The following CROCC2 variants were observed in gnomAD, a reference collection of about 807,000 sequenced individuals.
The protein encoded by CROCC2 is ciliary rootlet coiled-coil, rootletin family member 2.
Under a neutral mutation model 177.6 loss-of-function variants are expected in CROCC2, and 163 were observed. The observed-to-expected ratio is 0.92, with a 90% CI of 0.81 to 1.05. The LOEUF is 1.05. CROCC2 is among the 50% of genes least tolerant of loss of function. The pLI is 0.00. For synonymous variants in CROCC2, 904 were observed against 787.3 expected, an observed-to-expected ratio of 1.15 and a Z score of -2.48; for missense variants, 1,929 against 1,797.8, an observed-to-expected ratio of 1.07 and a Z score of -1.32.
At chr2:240,988,348 A>G (rs1228305171) in intron 28 of CROCC2, among the ~76,000 whole-genome samples, 1 of 152,242 alleles carries the variant, frequency 6.6e-6, no homozygotes, top group African/African-American at 2.4e-5. Context: ...TGCCAACAGC[A>G]GAAGGCAGGT....
Position 240,964,576 on chromosome 2 carries a change from A to AGCAGGCAG in CROCC2, c.3418_3425dup (p.Gly1143ArgfsTer17). 1 of 1,549,686 alleles carries AGCAGGCAG rather than the reference A, an allele frequency of 6.5e-7. No individual in the cohort carries two copies. Among genetic ancestry groups the AGCAGGCAG allele is most frequent in the Non-Finnish European group, 8.7e-7 (1 of 1,146,848 alleles). On this transcript the variant is annotated frameshift_variant, in exon 22 of 32. Transcript: ENST00000690015. LOFTEE classifies it high-confidence loss of function. The stretch of plus-strand genomic sequence containing the variant: ...CTGCGGGCCCACCTGTGGGAGCTGG[A>AGCAGGCAG]GCAGGCAGGGGGGGACGCCCGTCAG...
intron 22 of CROCC2, 48 bp downstream of exon 22, chr2:240,964,673 T>A (rs939032113): frequency 2.0e-5 from 30 of 1,530,110 alleles, no homozygotes; most frequent in Non-Finnish European, 2.6e-5. Flanking sequence ...CCCTCCCGCC[T>A]GGTGGGTCCC....
intron 7 of CROCC2, 120 bp from the exon 8 acceptor site, chr2:240,932,198 C>T (rs1163076354): frequency 3.2e-6 from 2 of 619,384 alleles, no homozygotes; most frequent in Non-Finnish European, 6.0e-6. Context: ...CAGACGGAGG[C>T]ATCACCCAGC....
In CROCC2 at chr2:240,946,099, C is replaced by T. The variant is rs1209916498; in HGVS notation, c.2209C>T (p.Gln737Ter). The change falls in exon 15 of 32, where the codon CAG (glutamine) becomes TAG (stop). Residue 737 changes from glutamine (Q) to a stop codon, truncating the protein, a stop_gained. Transcript: ENST00000690015. LOFTEE classifies it high-confidence loss of function. ...QKQALEEQLA[Q>*]SLQDQEAQMG... ...ACAGGCCCTGGAGGAGCAGCTGGCT[C>T]AGAGCCTGCAGGACCAGGAGGCCCA... The T allele has an allele frequency of 6.5e-7, 1 of 1,533,308 alleles. No individual in the cohort carries two copies. Among genetic ancestry groups the T allele is most frequent in the Non-Finnish European group, 8.8e-7 (1 of 1,133,244 alleles). 95.0% of individuals were successfully genotyped at this position (1,533,308 alleles called of 1,614,324 possible).
intron 27 of CROCC2, among the ~76,000 whole-genome samples, chr2:240,968,471 G>A (rs375969663): frequency 3.9e-5 from 6 of 152,188 alleles, no homozygotes; most frequent in African/African-American, 7.2e-5. Flanking sequence ...TGGGGTCATC[G>A]GGACTGGGGT....
chr2:240,929,690 C>T (rs1278703732), intron 5 of CROCC2: 1 of 456,376 alleles, frequency 2.2e-6, no homozygotes, highest in Admixed American at 2.3e-5. Flanking sequence ...TTCAGGAGCC[C>T]TCCAGAGTAA....
At chr2:240,907,513 A>C (rs967587089) in intron 1 of CROCC2, among the ~76,000 whole-genome samples, 2 of 152,166 alleles carry the variant, frequency 1.3e-5, no homozygotes, top group African/African-American at 2.4e-5. Context: ...AAACTATGCC[A>C]CGGCAGGCTG....
intron 18 of CROCC2, chr2:240,955,295 G>C (rs1294939752): frequency 1.3e-5 from 2 of 152,816 alleles, no homozygotes; most frequent in Non-Finnish European, 2.9e-5. Flanking sequence ...GTGTCTCTGG[G>C]CTGCCCTCCC....
chr2:240,922,411 G>T, intron 3 of CROCC2, 128 bp from the exon 4 acceptor site: 1 of 574,008 alleles, frequency 1.7e-6, no homozygotes, highest in Non-Finnish European at 3.1e-6. Context: ...CCCAACCCCA[G>T]CCCCTGCTGT....
chr2:240,967,571 CGGT>C (rs2059691689), intron 26 of CROCC2, 106 bp downstream of exon 26: 1 of 1,500,768 alleles, frequency 6.7e-7, no homozygotes, highest in African/African-American at 1.4e-5. Flanking sequence ...TGGGGCAGCT[CGGT>C]GGGAAGGGAG....
chr2:240,932,170 C>T (rs1226278005), intron 7 of CROCC2, 148 bp from the exon 8 acceptor site: 3 of 607,888 alleles, frequency 4.9e-6, no homozygotes, highest in East Asian at 5.6e-5. Context: ...CATGCTCAGA[C>T]CAGGGACAGA....
At chr2:240,969,400 G>C (rs2059706654) in intron 27 of CROCC2, among the ~76,000 whole-genome samples, 1 of 152,232 alleles carries the variant, frequency 6.6e-6, no homozygotes, top group Non-Finnish European at 1.5e-5. Flanking sequence ...AGAGGGGAGG[G>C]GGCAGAGAGC....
chr2:240,970,570 C>A (rs1400265620), intron 27 of CROCC2, among the ~76,000 whole-genome samples: 1 of 152,220 alleles, frequency 6.6e-6, no homozygotes, highest in Non-Finnish European at 1.5e-5. Context: ...CAGCGCCCTG[C>A]CCCCTCCAGG....
chr2:240,949,633 G>A lies in CROCC2; in HGVS notation c.2583G>A (p.Glu861=). The A allele has an allele frequency of 3.9e-6, 6 of 1,550,332 alleles. No individual in the cohort carries two copies. The highest frequency in any genetic ancestry group is 5.2e-6 in the Non-Finnish European group (6 of 1,146,936). ...LQRQVAQQER[E]AQRALESQAL... ...GACAGGTGGCACAGCAGGAGCGGGAGGCACAGCGGGCCCTGGAGAGCCAGG... is the reference window on the plus strand; with the variant it reads ...GACAGGTGGCACAGCAGGAGCGGGAAGCACAGCGGGCCCTGGAGAGCCAGG... Residue 861 remains glutamate, a synonymous_variant, in exon 17 of 32, where the codon GAG becomes GAA. Transcript: ENST00000690015. This position sits in a 1 kb window ranked among gnomAD's most constrained non-coding sequence, Gnocchi z 4.5.
Position 240,918,870 on chromosome 2 carries a change from C to A in CROCC2, c.223C>A (p.Pro75Thr), listed in dbSNP as rs1354032418. The change falls in exon 2 of 32, where the codon CCC becomes ACC. Residue 75 changes from proline to threonine, a missense_variant. Transcript: ENST00000690015. This position sits in a 1 kb window ranked among gnomAD's most constrained non-coding sequence, Gnocchi z 6.3. ...GGCCGGCAGCCTGAGTGAGGAGCCA[C>A]CCCAAGGTGATGGTGTGGGGGACAG... ...IVAGSLSEEP[P>T]QAGVQEPTAT... 2 of 677,444 alleles carry A rather than the reference C, an allele frequency of 3.0e-6. No individual in the cohort carries two copies. The highest frequency in any genetic ancestry group is 5.5e-6 in the Non-Finnish European group (2 of 366,014). 42.0% of individuals were successfully genotyped at this position (677,444 alleles called of 1,614,324 possible).
At chr2:240,975,970 A>T (rs1559189346) in intron 27 of CROCC2, among the ~76,000 whole-genome samples, 16 of 151,888 alleles carry the variant, frequency 1.1e-4, no homozygotes, top group Admixed American at 1.0e-3. Flanking sequence ...ACCTCAGAAA[A>T]TCTGCCCATC....
In CROCC2 at chr2:240,964,496, G is replaced by C; in HGVS notation, c.3336G>C (p.Gln1112His). Residue 1112 changes from glutamine to histidine, a missense_variant, in exon 22 of 32, where the codon CAG (glutamine) becomes CAC (histidine). Around this residue, in one of 3 missense-constraint regions of CROCC2, gnomAD observed 1,397 missense variants for 1,239.9 expected, o/e 1.13. Coordinates refer to ENST00000690015, the MANE Select transcript of CROCC2 (RefSeq NM_001351305.2). ...AGCGGTCCAAGGAGGAGAAGGAGCA[G>C]AAGCTGCTCATCCTGGAGGAGGCCC... ...SFKRSKEEKEQKLLILEEAQA... is the reference protein window; with the variant it reads ...SFKRSKEEKEHKLLILEEAQA... The C allele has an allele frequency of 2.6e-6, 4 of 1,548,990 alleles. No individual in the cohort carries two copies. Among genetic ancestry groups the C allele is most frequent in the East Asian group, 2.4e-5 (1 of 40,906 alleles).
chr2:240,937,441 A>G (rs887115177), intron 14 of CROCC2, among the ~76,000 whole-genome samples: 1 of 152,220 alleles, frequency 6.6e-6, no homozygotes, highest in African/African-American at 2.4e-5. Flanking sequence ...TACATGTCCT[A>G]TGACTATTTT....
At chr2:240,936,672 A>G (rs2106463719) in intron 14 of CROCC2, among the ~76,000 whole-genome samples, 1 of 152,238 alleles carries the variant, frequency 6.6e-6, no homozygotes, top group East Asian at 1.9e-4. Context: ...CCTGCCTACA[A>G]AGGGCACTTT....
Sources: allele counts gnomAD v4.1 joint callset (sites outside exome capture counted in the v4.1 genomes callset), GRCh38; gene constraint gnomAD v4.1.1; regional missense constraint gnomAD v4.1.1; non-coding constraint Gnocchi (gnomAD v3.1); transcripts MANE v1.5; gene names NCBI Gene and HGNC (gene_info 2026-07-23, HGNC 2026-07-21).